Variants in NAV3 observed in about 807,000 individuals in gnomAD.
The protein encoded by NAV3 is pore membrane and/or filament interacting like protein 1.
Under a neutral mutation model 244.7 loss-of-function variants are expected in NAV3, and 87 were observed. That is an observed-to-expected ratio of 0.36 (90% CI 0.30 to 0.42). The LOEUF is 0.42. Among genes scored for constraint, NAV3 ranks in the 20% least tolerant of loss-of-function variants. The probability of loss-of-function intolerance (pLI) is 1.00; values close to 1 mark genes in which losing one functional copy is unlikely to be tolerated. For missense variants in NAV3, 2,663 were observed against 2,893.3 expected (o/e 0.92, Z 1.83); for synonymous variants, 1,126 against 1,042.2 (o/e 1.08, Z -1.55).
chr12:78,070,402 GT>G (rs369994220), intron 12 of NAV3, among the ~76,000 whole-genome samples: 9,620 of 139,314 alleles, frequency 0.069, 669 homozygotes, highest in African/African-American at 0.19. Context: ...CTCAGGTGAA[GT>G]TTTTTTTTTT....
At chr12:77,725,833 C>G (rs1299422688) in intron 2 of NAV3, among the ~76,000 whole-genome samples, 2 of 151,940 alleles carry the variant, frequency 1.3e-5, no homozygotes, top group Non-Finnish European at 2.9e-5. Flanking sequence ...TCTGGAAGAT[C>G]TGTGGGCGAA....
intron 5 of NAV3, 39 bp downstream of exon 5, chr12:77,968,741 T>A (rs765749862): frequency 1.3e-6 from 2 of 1,585,104 alleles, no homozygotes; most frequent in Non-Finnish European, 1.7e-6. Context: ...CCAATTAGTT[T>A]GTGTAGATAC....
At chr12:78,101,697 C>A (rs1289002299) in intron 12 of NAV3, among the ~76,000 whole-genome samples, 1 of 152,108 alleles carries the variant, frequency 6.6e-6, no homozygotes, top group South Asian at 2.1e-4. Flanking sequence ...AGAATTTACA[C>A]TTCAGCGGTT....
intron 3 of NAV3, among the ~76,000 whole-genome samples, chr12:77,960,489 A>C (rs974492151): frequency 8.0e-5 from 12 of 149,984 alleles, no homozygotes; most frequent in African/African-American, 2.9e-4. Flanking sequence ...AAACACATAT[A>C]TATATAACAC....
intron 1 of NAV3, among the ~76,000 whole-genome samples, chr12:77,869,767 A>C (rs571141415): frequency 5.9e-5 from 9 of 152,070 alleles, no homozygotes; most frequent in Non-Finnish European, 1.2e-4. Flanking sequence ...TTATTGTTTT[A>C]ATTATCTGTT....
chr12:78,154,128 ATGTG>A (rs200110503), intron 22 of NAV3, among the ~76,000 whole-genome samples: 3 of 144,838 alleles, frequency 2.1e-5, no homozygotes, highest in Non-Finnish European at 3.0e-5. Flanking sequence ...CTAGGCATAT[ATGTG>A]TGTGTGTGTA....
At chr12:78,177,540 C>T in intron 27 of NAV3, 80 bp from the exon 28 acceptor site, 1 of 1,348,422 alleles carries the variant, frequency 7.4e-7, no homozygotes, top group Non-Finnish European at 1.0e-6. Flanking sequence ...TGATCTCATT[C>T]TCCAGTTTTC....
At chr12:78,038,496 A>G (rs1880303292) in intron 9 of NAV3, among the ~76,000 whole-genome samples, 1 of 152,208 alleles carries the variant, frequency 6.6e-6, no homozygotes, top group African/African-American at 2.4e-5. Context: ...CCAGTTTTAG[A>G]AGAAGAAAGC....
intron 2 of NAV3, among the ~76,000 whole-genome samples, chr12:77,646,150 G>A (rs1468451603): frequency 6.6e-6 from 1 of 152,076 alleles, no homozygotes; most frequent in African/African-American, 2.4e-5. Context: ...TGGGCCAGAG[G>A]GAGCAAATGC....
chr12:78,098,017 T>G (rs1240897326), intron 12 of NAV3, among the ~76,000 whole-genome samples: 4 of 152,098 alleles, frequency 2.6e-5, no homozygotes, highest in Non-Finnish European at 5.9e-5. Flanking sequence ...AACTAAATTC[T>G]CAGATATCCA....
chr12:77,751,886 G>C (rs1057128058), intron 2 of NAV3, among the ~76,000 whole-genome samples: 1 of 152,000 alleles, frequency 6.6e-6, no homozygotes, highest in African/African-American at 2.4e-5. Context: ...AGTTATTCTT[G>C]GTTTGTTATT....
At chr12:77,974,778 G>C (rs1237844345) in intron 5 of NAV3, among the ~76,000 whole-genome samples, 1 of 152,082 alleles carries the variant, frequency 6.6e-6, no homozygotes, top group Non-Finnish European at 1.5e-5. Context: ...ATATTGGAAT[G>C]GTGTCAACTT....
At chr12:77,737,934 A>G (rs1389447552) in intron 2 of NAV3, among the ~76,000 whole-genome samples, 5 of 152,090 alleles carry the variant, frequency 3.3e-5, no homozygotes, top group African/African-American at 7.2e-5. Flanking sequence ...CCATTTTTCA[A>G]TCATGCAGCA....
intron 2 of NAV3, among the ~76,000 whole-genome samples, chr12:77,793,108 T>C (rs1871255963): frequency 1.3e-5 from 2 of 152,014 alleles, no homozygotes. Flanking sequence ...GCATGCACTG[T>C]AGTTGAAAAA....
intron 1 of NAV3, among the ~76,000 whole-genome samples, chr12:77,915,365 G>T (rs1887024072): frequency 6.6e-6 from 1 of 151,964 alleles, no homozygotes; most frequent in African/African-American, 2.4e-5. Context: ...GCATTGCAAA[G>T]AGCTGTGGAG....
chr12:78,029,125 G>C (rs1878552942), intron 9 of NAV3, among the ~76,000 whole-genome samples: 1 of 148,964 alleles, frequency 6.7e-6, no homozygotes, highest in South Asian at 2.1e-4. Flanking sequence ...TGGTGACTTT[G>C]AAGGATTCCA....
chr12:78,048,310 T>A (rs1269977936), intron 9 of NAV3, among the ~76,000 whole-genome samples: 1 of 152,214 alleles, frequency 6.6e-6, no homozygotes, highest in African/African-American at 2.4e-5. Context: ...TTTTTGGAAT[T>A]TTCAGCCTTT....
At chr12:77,960,586 A>G (rs1295147514) in intron 3 of NAV3, among the ~76,000 whole-genome samples, 1 of 148,822 alleles carries the variant, frequency 6.7e-6, no homozygotes, top group Non-Finnish European at 1.5e-5. Flanking sequence ...ATTACCTATA[A>G]TATATAACAT....
intron 2 of NAV3, among the ~76,000 whole-genome samples, chr12:77,778,267 C>T (rs962109911): frequency 1.5e-4 from 23 of 149,818 alleles, no homozygotes; most frequent in Non-Finnish European, 1.5e-5. Flanking sequence ...TCCTTGCTTC[C>T]TTTCCTCTTT....
Sources: gnomAD v4.1 joint callset for allele counts (sites outside exome capture counted in the v4.1 genomes callset) on GRCh38, gnomAD v4.1.1 for gene constraint, MANE v1.5 for transcripts, NCBI Gene and HGNC (gene_info 2026-07-23, HGNC 2026-07-21) for gene names.